The following USP7 variants were observed in gnomAD, a reference collection of about 807,000 sequenced individuals.
The protein encoded by USP7 is ubiquitin C-terminal hydrolase 7.
Under a neutral mutation model 162.9 loss-of-function variants are expected in USP7, and 9 were observed. That is an observed-to-expected ratio of 0.06 (90% confidence interval 0.03 to 0.10). The LOEUF (loss-of-function observed/expected upper bound fraction) is 0.10. Among genes scored for constraint, USP7 ranks in the 10% least tolerant of loss-of-function variants. The pLI is 1.00. For missense variants in USP7, 715 were observed against 1,373.7 expected (o/e 0.52, Z 7.58); for synonymous variants, 562 against 475.9 (o/e 1.18, Z -2.35).
chr16:8,897,732 TATA>T (rs2061710183), intron 25 of USP7, among the ~76,000 whole-genome samples: 1 of 91,398 alleles, frequency 1.1e-5, no homozygotes, highest in African/African-American at 4.4e-5. Flanking sequence ...AAAAAATATA[TATA>T]TATATATATA....
At chr16:8,925,054 T>C (rs1447826833) in intron 2 of USP7, among the ~76,000 whole-genome samples, 1 of 152,238 alleles carries the variant, frequency 6.6e-6, no homozygotes, top group African/African-American at 2.4e-5. Flanking sequence ...GAATAAGTTT[T>C]GCCATGTGCT....
chr16:8,911,781 C>T (rs949908364), intron 10 of USP7, among the ~76,000 whole-genome samples: 1 of 152,156 alleles, frequency 6.6e-6, no homozygotes, highest in South Asian at 2.1e-4. Flanking sequence ...CAGTTTCTTC[C>T]GAAGCTGTCA....
chr16:8,920,991 A>G (rs1016008630), intron 4 of USP7, among the ~76,000 whole-genome samples, 166 bp downstream of exon 4: 1 of 152,282 alleles, frequency 6.6e-6, no homozygotes, highest in Non-Finnish European at 1.5e-5. Flanking sequence ...AGCTGCTAAA[A>G]ACGTAAGATA....
intron 4 of USP7, 67 bp downstream of exon 4, chr16:8,921,090 T>C: frequency 1.3e-6 from 2 of 1,516,536 alleles, no homozygotes; most frequent in Non-Finnish European, 1.8e-6. Context: ...ACTTGAAAAA[T>C]CAAAAAGTTA....
At chr16:8,948,925 C>T (rs763936930) in intron 1 of USP7, among the ~76,000 whole-genome samples, 4 of 151,922 alleles carry the variant, frequency 2.6e-5, no homozygotes, top group Non-Finnish European at 5.9e-5. Context: ...GATCAAACCA[C>T]GGCACTCCAG....
intron 1 of USP7, among the ~76,000 whole-genome samples, chr16:8,961,660 C>T (rs1900020815): frequency 6.6e-6 from 1 of 152,130 alleles, no homozygotes; most frequent in South Asian, 2.1e-4. Flanking sequence ...CATGGGAAAT[C>T]CATATGCTCG....
chr16:8,956,332 C>A (rs1018165121), intron 1 of USP7: 1 of 152,206 alleles, frequency 6.6e-6, no homozygotes, highest in Non-Finnish European at 1.5e-5. Flanking sequence ...ACAGCGCTCG[C>A]TCCCAGGTTT....
chr16:8,957,558 T>C (rs527734475), intron 1 of USP7, among the ~76,000 whole-genome samples: 7 of 147,082 alleles, frequency 4.8e-5, no homozygotes, highest in South Asian at 2.1e-4. Flanking sequence ...AGCCTGAACA[T>C]AGCAAGACCC....
At chr16:8,918,952 G>C (rs560969975) in intron 6 of USP7, 79 bp downstream of exon 6, 177 of 1,427,460 alleles carry the variant, frequency 1.2e-4, no homozygotes, top group Admixed American at 3.0e-4. Flanking sequence ...CGCCATGTTT[G>C]TTGAGAGGAC....
chr16:8,897,747 A>ATATATATATATATAT (rs1491214554), intron 25 of USP7, among the ~76,000 whole-genome samples: 1 of 117,994 alleles, frequency 8.5e-6, no homozygotes, highest in Non-Finnish European at 1.7e-5. Context: ...ATATATATAT[A>ATATATATATATATAT]AATGAGTTGG....
chr16:8,905,578 C>G (rs749201358), intron 13 of USP7, among the ~76,000 whole-genome samples: 1 of 152,234 alleles, frequency 6.6e-6, no homozygotes, highest in Non-Finnish European at 1.5e-5. Flanking sequence ...GCACTGCTAC[C>G]ATTCGCCCAA....
At chr16:8,952,007 G>T (rs1420261480) in intron 1 of USP7, among the ~76,000 whole-genome samples, 1 of 152,184 alleles carries the variant, frequency 6.6e-6, no homozygotes, top group African/African-American at 2.4e-5. Context: ...CCCAACTGCA[G>T]TTCACGACTT....
intron 1 of USP7, among the ~76,000 whole-genome samples, chr16:8,961,268 A>G (rs1006331193): frequency 2.6e-5 from 4 of 152,092 alleles, no homozygotes; most frequent in Non-Finnish European, 5.9e-5. Flanking sequence ...CGAGGCGGGC[A>G]GATCACCTGA....
In USP7 at chr16:8,921,277, T is replaced by G. The variant is rs1477628752; in HGVS notation, c.402A>C (p.Ala134=). Residue 134 remains alanine (A), a synonymous_variant, in exon 4 of 31, where the codon GCA becomes GCC. Transcript: ENST00000344836. Reference sequence around the variant, plus strand: ...AATTTATTATCTTCAGCACTGCTTGTGCATGGCAAGACCATGACCTGTTTA... The same window carrying G: ...AATTTATTATCTTCAGCACTGCTTGGGCATGGCAAGACCATGACCTGTTTA... The part of the protein sequence containing the change: ...ESDSTSWSCH[A]QAVLKIINYR... 1 of 1,614,118 alleles carries G rather than the reference T, an allele frequency of 6.2e-7. No individual in the cohort carries two copies. Among genetic ancestry groups the G allele is most frequent in the Admixed American group, 1.7e-5 (1 of 60,026 alleles).
intron 1 of USP7, among the ~76,000 whole-genome samples, chr16:8,960,531 T>A (rs1273537848): frequency 6.6e-6 from 1 of 152,208 alleles, no homozygotes; most frequent in Admixed American, 6.5e-5. Context: ...GAAACCACTC[T>A]GCCCAGGAGG....
At position 8,898,446 on chromosome 16, in the gene USP7, AAAAG is replaced by A. The variant is rs201557390; in HGVS notation, c.2641-13_2641-10del. 608 of 1,612,146 alleles carry A rather than the reference AAAAG, an allele frequency of 3.8e-4. 3 individuals carry two copies. The East Asian group carries it at 0.012, about 33-fold the overall frequency. On this transcript the variant is annotated splice_polypyrimidine_tract_variant and intron_variant, in intron 24 of 30. Transcript: ENST00000344836. ...GTGATTTTCATCTTAAGCTATTAAG[AAAAG>A]AAAGATTCACATCAGATACCGTCAC...
At chr16:8,921,519 A>AT (rs1228434798) in intron 3 of USP7, among the ~76,000 whole-genome samples, 1 of 152,172 alleles carries the variant, frequency 6.6e-6, no homozygotes, top group Non-Finnish European at 1.5e-5. Flanking sequence ...TCATGGTTTC[A>AT]TTTTTTAATT....
chr16:8,897,146 G>T, intron 25 of USP7, 47 bp from the exon 26 acceptor site: 3 of 1,410,762 alleles, frequency 2.1e-6, no homozygotes, highest in Middle Eastern at 1.8e-4. Flanking sequence ...AAGCATAAAA[G>T]GTCTGCTACC....
In USP7 at chr16:8,963,302, G is replaced by C; in HGVS notation, c.-17C>G. The C allele has an allele frequency of 2.6e-6, 3 of 1,134,396 alleles. No individual in the cohort carries two copies. Among genetic ancestry groups the C allele is most frequent in the Non-Finnish European group, 3.3e-6 (3 of 904,124 alleles). The allele number at this position is 1,134,396 out of a possible 1,614,324, so 70.3% of individuals were successfully genotyped here. A position where few individuals can be genotyped will look rare whatever the true frequency, so the allele number is the denominator to read the frequency against. ...GTGGTTCATGTCGGCCGCGGCCTGG[G>C]CCTCGCCTGCGGCCGGGGGCCGGGG... On this transcript the variant is annotated 5_prime_UTR_variant, in exon 1 of 31. Transcript: ENST00000344836.
Sources: allele counts gnomAD v4.1 joint callset (sites outside exome capture counted in the v4.1 genomes callset), GRCh38; gene constraint gnomAD v4.1.1; transcripts MANE v1.5; gene names NCBI Gene and HGNC (gene_info 2026-07-23, HGNC 2026-07-21).